The following SOD1 variants were observed in gnomAD, a reference collection of about 807,000 sequenced individuals.
The protein encoded by SOD1 is superoxide dismutase [Cu-Zn].
A neutral mutation model predicts 15.9 loss-of-function variants in SOD1; 8 were observed. The observed-to-expected ratio is 0.50, with a 90% CI of 0.30 to 0.91. SOD1 has a LOEUF of 0.91. Ranked by LOEUF, SOD1 falls within the 40% of genes least tolerant of loss-of-function variation. SOD1 has a pLI of 0.07. For synonymous variants in SOD1, 86 were observed against 71.2 expected, an observed-to-expected ratio of 1.21 and a Z score of -1.04; for missense variants, 137 against 194.5, an observed-to-expected ratio of 0.70 and a Z score of 1.76.
intron 1 of SOD1, 49 bp from the exon 2 acceptor site, chr21:31,663,741 C>G: frequency 7.2e-7 from 1 of 1,389,670 alleles, no homozygotes; most frequent in Non-Finnish European, 1.0e-6. Flanking sequence ...GGTAAATCAG[C>G]TGTTTTCTTT....
At position 31,659,779 on chromosome 21, in the gene SOD1, A is replaced by G. The variant is rs1568807297; in HGVS notation, c.10A>G (p.Lys4Glu). MAT[K>E]AVCVLKGDGP... Reference sequence around the variant, plus strand: ...CGTGGCCTAGCGAGTTATGGCGACGAAGGCCGTGTGCGTGCTGAAGGGCGA... The same window carrying G: ...CGTGGCCTAGCGAGTTATGGCGACGGAGGCCGTGTGCGTGCTGAAGGGCGA... Residue 4 changes from lysine to glutamate, a missense_variant, in exon 1 of 5, where the codon AAG (lysine) becomes GAG (glutamate). Physicochemically the swap from Lys to Glu is moderately conservative, Grantham distance 56. Coordinates refer to ENST00000270142, the MANE Select transcript of SOD1 (RefSeq NM_000454.5). 1 of 1,613,928 alleles carries G rather than the reference A, an allele frequency of 6.2e-7. No homozygotes were observed. Among genetic ancestry groups the G allele is most frequent in the Non-Finnish European group, 8.5e-7 (1 of 1,179,888 alleles).
At chr21:31,662,214 A>T (rs2049554136) in intron 1 of SOD1, among the ~76,000 whole-genome samples, 1 of 152,224 alleles carries the variant, frequency 6.6e-6, no homozygotes, top group African/African-American at 2.4e-5. Context: ...TGCTCTTGAT[A>T]ACAGAGTGTT....
intron 2 of SOD1, among the ~76,000 whole-genome samples, chr21:31,665,598 T>C (rs1231013311): frequency 6.6e-6 from 1 of 152,206 alleles, no homozygotes; most frequent in East Asian, 1.9e-4. Context: ...CCTCCTGTGC[T>C]GTCGAGGTTG....
At chr21:31,664,071 G>C (rs1023443938) in intron 2 of SOD1, among the ~76,000 whole-genome samples, 185 bp downstream of exon 2, 4 of 152,096 alleles carry the variant, frequency 2.6e-5, no homozygotes, top group African/African-American at 7.2e-5. Context: ...TGACCTCCCA[G>C]GCTCCATTGA....
At chr21:31,660,030 GCGGGCC>G in intron 1 of SOD1, 189 bp downstream of exon 1, 2 of 365,198 alleles carry the variant, frequency 5.5e-6, no homozygotes, top group Non-Finnish European at 9.4e-6. Context: ...GAGTCACCGG[GCGGGCC>G]CGGGCGCGGG....
intron 2 of SOD1, among the ~76,000 whole-genome samples, chr21:31,665,120 A>G (rs563212865): frequency 6.6e-6 from 1 of 152,238 alleles, no homozygotes; most frequent in Admixed American, 6.5e-5. Context: ...ATACAAACTG[A>G]AGATGGAATG....
chr21:31,667,454 C>T (rs1210175186), intron 4 of SOD1, 79 bp downstream of exon 4: 11 of 1,075,032 alleles, frequency 1.0e-5, no homozygotes, highest in Middle Eastern at 2.1e-4. Context: ...TTGTTAGTCG[C>T]GGTTTCTAAA....
Position 31,668,673 on chromosome 21 carries a change from TAA to T in SOD1, c.*98_*99del. 1.0e-6 allele frequency: 1 copy of T among 961,408 alleles called. No individual in the cohort carries two copies. Among genetic ancestry groups the T allele is most frequent in the African/African-American group, 1.6e-5 (1 of 62,042 alleles). The allele number at this position is 961,408 out of a possible 1,614,324, so 59.6% of individuals were successfully genotyped here. On this transcript the variant is annotated 3_prime_UTR_variant, in exon 5 of 5. Transcript: ENST00000270142. ...TGATAAACATTAAACACTGTAATCTTAAAAGTGTAATTGTGTGACTTTTTCAG... is the reference window on the plus strand; with the variant it reads ...TGATAAACATTAAACACTGTAATCTTAAGTGTAATTGTGTGACTTTTTCAG...
At chr21:31,666,300 C>A in intron 2 of SOD1, 149 bp from the exon 3 acceptor site, 1 of 672,264 alleles carries the variant, frequency 1.5e-6, no homozygotes, top group Non-Finnish European at 2.7e-6. Flanking sequence ...TCCCTTCTCA[C>A]TGTGGCTGTA....
intron 4 of SOD1, among the ~76,000 whole-genome samples, chr21:31,667,887 G>T (rs1219962729): frequency 6.6e-6 from 1 of 152,112 alleles, no homozygotes; most frequent in Non-Finnish European, 1.5e-5. Context: ...CCCCTTGAGG[G>T]CATTAACATT....
intron 1 of SOD1, chr21:31,660,376 G>A (rs1306466683): frequency 6.6e-6 from 1 of 152,260 alleles, no homozygotes; most frequent in Non-Finnish European, 1.5e-5. Context: ...CTTTTGTACA[G>A]CTCTAAGGCT....
At position 31,668,925 on chromosome 21, in the gene SOD1, A is replaced by G. The variant is rs577484556; in HGVS notation, c.*347A>G. The G allele has an allele frequency of 7.5e-6, 2 of 266,834 alleles. No homozygotes were observed. The highest frequency in any genetic ancestry group is 1.5e-5 in the Non-Finnish European group (2 of 137,076). The allele number at this position is 266,834 out of a possible 1,614,324, so 16.5% of individuals were successfully genotyped here. A position where few individuals can be genotyped will look rare whatever the true frequency, so the allele number is the denominator to read the frequency against. ...AGGCTATTAAAAGAATCCAAATTCA[A>G]ACTAAATTAGCTCTGATACTTATTT... On this transcript the variant is annotated 3_prime_UTR_variant, in exon 5 of 5. Coordinates refer to ENST00000270142, the MANE Select transcript of SOD1 (RefSeq NM_000454.5).
chr21:31,660,061 C>T, intron 1 of SOD1: 1 of 253,220 alleles, frequency 3.9e-6, no homozygotes, highest in Non-Finnish European at 7.3e-6. Context: ...GGGACCGAGG[C>T]CGCCGCGGGG....
intron 2 of SOD1, among the ~76,000 whole-genome samples, chr21:31,666,036 A>C (rs1465506295): frequency 7.0e-6 from 1 of 142,850 alleles, no homozygotes; most frequent in Non-Finnish European, 1.5e-5. Context: ...CAGTGGTGCG[A>C]TCTCAGCTCA....
At chr21:31,666,756 GAACT>G in intron 3 of SOD1, 1 of 553,722 alleles carries the variant, frequency 1.8e-6, no homozygotes, top group Non-Finnish European at 3.2e-6. Flanking sequence ...ATTGAATATA[GAACT>G]AATACAAGTG....
rs2049619880 is a variant in SOD1 at position 31,668,574 on chromosome 21, A to G, written c.461A>G (p.Gln154Arg). 1.9e-6 allele frequency: 3 copies of G among 1,611,248 alleles called. No individual in the cohort carries two copies. Among genetic ancestry groups the G allele is most frequent in the Admixed American group, 1.7e-5 (1 of 60,030 alleles). Residue 154 changes from glutamine to arginine, a missense_variant, in exon 5 of 5, where the codon CAA becomes CGA. Gln to Arg is a conservative substitution (Grantham distance 43). Transcript: ENST00000270142. ...RLACGVIGIA[Q>R] ...GCTTGTGGTGTAATTGGGATCGCCC[A>G]ATAAACATTCCCTTGGATGTAGTCT...
chr21:31,659,885 C>A (rs1484714611), intron 1 of SOD1, 44 bp downstream of exon 1: 1 of 1,583,948 alleles, frequency 6.3e-7, no homozygotes, highest in Admixed American at 1.7e-5. Context: ...CGCTCCCACC[C>A]GCTCGTCCCC....
At chr21:31,661,899 C>T (rs2049551767) in intron 1 of SOD1, among the ~76,000 whole-genome samples, 1 of 152,190 alleles carries the variant, frequency 6.6e-6, no homozygotes, top group South Asian at 2.1e-4. Flanking sequence ...TTGGCTTGGC[C>T]TATTCCGTGT....
intron 2 of SOD1, among the ~76,000 whole-genome samples, chr21:31,666,026 C>A (rs907777543): frequency 6.9e-6 from 1 of 144,580 alleles, no homozygotes; most frequent in African/African-American, 2.6e-5. Context: ...GGCTGGAGTG[C>A]AGTGGTGCGA....
Sources: gnomAD v4.1 joint callset for allele counts (sites outside exome capture counted in the v4.1 genomes callset) on GRCh38, gnomAD v4.1.1 for gene constraint, MANE v1.5 for transcripts, NCBI Gene and HGNC (gene_info 2026-07-23, HGNC 2026-07-21) for gene names.